ALK: variants seen among roughly 807,000 people sequenced by gnomAD.
ALK encodes ALK tyrosine kinase receptor.
A neutral mutation model predicts 163.1 loss-of-function variants in ALK; 74 were observed. The observed-to-expected ratio is 0.45, with a 90% CI of 0.38 to 0.55. The LOEUF (loss-of-function observed/expected upper bound fraction) is 0.55. Ranked by LOEUF, ALK falls within the 20% of genes least tolerant of loss-of-function variation. The probability of loss-of-function intolerance (pLI) is 0.00; values close to 1 mark genes in which losing one functional copy is unlikely to be tolerated. For synonymous variants in ALK, 960 were observed against 843.2 expected (o/e 1.14, Z -2.40); for missense variants, 2,063 against 2,105.3 (o/e 0.98, Z 0.39).
intron 11 of ALK, among the ~76,000 whole-genome samples, chr2:29,274,821 A>G (rs892252835): frequency 1.3e-5 from 2 of 152,204 alleles, no homozygotes; most frequent in African/African-American, 4.8e-5. Flanking sequence ...GGGGAAAAAA[A>G]TGCCAGCTTG....
chr2:29,736,123 A>G (rs1439250807), intron 1 of ALK, among the ~76,000 whole-genome samples: 1 of 152,088 alleles, frequency 6.6e-6, no homozygotes, highest in African/African-American at 2.4e-5. Context: ...TATGTAGTTC[A>G]TTTCCATGAT....
intron 1 of ALK, among the ~76,000 whole-genome samples, chr2:29,750,289 C>T (rs943432027): frequency 6.6e-6 from 1 of 152,134 alleles, no homozygotes; most frequent in African/African-American, 2.4e-5. Context: ...AACCAGGCCA[C>T]AGTACAGCAT....
Position 29,699,620 on chromosome 2 carries a change from G to C in ALK, c.788-4606C>G, listed in dbSNP as rs142617781. On this transcript the variant is annotated intron_variant, in intron 2 of 28. Transcript: ENST00000389048. ...CTGAAAAGCCTTCTTCATGATAGGG[G>C]ACAGATCTATATTTTCTAAATGTCA... Among the ~76,000 whole-genome samples the C allele has an allele frequency of 9.8e-5, 15 of 152,290 alleles. No homozygotes were observed. The East Asian group carries it at 2.9e-3, about 29-fold the overall frequency.
chr2:29,863,092 G>A (rs1241932061), intron 1 of ALK, among the ~76,000 whole-genome samples: 2 of 152,058 alleles, frequency 1.3e-5, no homozygotes, highest in African/African-American at 2.4e-5. Context: ...TCTTTATCTC[G>A]CCCCATATAC....
Position 29,316,532 on chromosome 2 carries a change from G to C in ALK, c.1647+1772C>G, listed in dbSNP as rs1470150411. On this transcript the variant is annotated intron_variant, in intron 8 of 28. Coordinates refer to ENST00000389048, the MANE Select transcript of ALK (RefSeq NM_004304.5). ...ATTAGAATAATATCATTTGTACCTT[G>C]ACATTTCTTTTTCTGAAATTTGGCT... 2.0e-5 allele frequency among the ~76,000 whole-genome samples: 3 copies of C among 152,254 alleles called. No individual in the cohort carries two copies. In the South Asian group the frequency reaches 6.2e-4, roughly 32 times the overall value.
chr2:29,448,635 C>G (rs1670746831), intron 4 of ALK, among the ~76,000 whole-genome samples: 1 of 152,186 alleles, frequency 6.6e-6, no homozygotes, highest in African/African-American at 2.4e-5. Flanking sequence ...AGTCAATCCA[C>G]CGTTCCCACC....
intron 3 of ALK, among the ~76,000 whole-genome samples, chr2:29,617,010 C>A (rs1322766760): frequency 6.6e-6 from 1 of 152,116 alleles, no homozygotes; most frequent in African/African-American, 2.4e-5. Flanking sequence ...CAGTGATATT[C>A]ACCTGGTGAA....
intron 4 of ALK, among the ~76,000 whole-genome samples, chr2:29,466,652 A>G (rs1671221461): frequency 6.6e-6 from 1 of 152,240 alleles, no homozygotes. Context: ...GTTTCTTGTA[A>G]GTAACAGGCA....
chr2:29,296,799 T>C (rs1320722543), intron 9 of ALK, 89 bp downstream of exon 9: 1 of 1,561,272 alleles, frequency 6.4e-7, no homozygotes, highest in Non-Finnish European at 8.8e-7. Context: ...GTGTCTTGGG[T>C]AAAAGGCACG....
intron 3 of ALK, among the ~76,000 whole-genome samples, chr2:29,534,239 T>C (rs1315810362): frequency 1.3e-5 from 2 of 152,242 alleles, no homozygotes; most frequent in Admixed American, 6.5e-5. Context: ...CAAGAGGGAA[T>C]TAATATTGAC....
At chr2:29,884,136 C>T (rs1254250462) in intron 1 of ALK, among the ~76,000 whole-genome samples, 1 of 147,886 alleles carries the variant, frequency 6.8e-6, no homozygotes, top group Non-Finnish European at 1.5e-5. Flanking sequence ...GTTACTATTG[C>T]AAGAGGTCAA....
At chr2:29,800,165 G>A (rs545540101) in intron 1 of ALK, among the ~76,000 whole-genome samples, 9 of 152,358 alleles carry the variant, frequency 5.9e-5, no homozygotes, top group Admixed American at 2.0e-4. Context: ...CCCCTCAGAG[G>A]AGGCAATGCC....
chr2:29,784,913 G>C (rs896858844), intron 1 of ALK, among the ~76,000 whole-genome samples: 1 of 152,002 alleles, frequency 6.6e-6, no homozygotes, highest in Admixed American at 6.6e-5. Flanking sequence ...GGCTCAACTA[G>C]AAGACCTACG....
intron 3 of ALK, among the ~76,000 whole-genome samples, chr2:29,648,505 C>A (rs1331664665): frequency 6.6e-6 from 1 of 152,092 alleles, no homozygotes; most frequent in Non-Finnish European, 1.5e-5. Context: ...CAATTCACTC[C>A]CCACTCCCTC....
chr2:29,223,937 C>T (rs551289515), intron 19 of ALK: 26 of 318,084 alleles, frequency 8.2e-5, no homozygotes, highest in African/African-American at 2.7e-4. Flanking sequence ...TATAACCCCA[C>T]GTGAACGAGG....
chr2:29,548,333 C>T (rs189227555), intron 3 of ALK, among the ~76,000 whole-genome samples: 1 of 152,198 alleles, frequency 6.6e-6, no homozygotes, highest in Non-Finnish European at 1.5e-5. Context: ...CTTAGCCGGG[C>T]GTGGTGGCGT....
intron 11 of ALK, among the ~76,000 whole-genome samples, chr2:29,274,269 T>C (rs1665470125): frequency 6.6e-6 from 1 of 152,284 alleles, no homozygotes. Context: ...CATTATAAGT[T>C]GAAATTAGAG....
chr2:29,889,407 T>C (rs998848117), intron 1 of ALK, among the ~76,000 whole-genome samples: 2 of 152,122 alleles, frequency 1.3e-5, no homozygotes, highest in South Asian at 2.1e-4. Context: ...TGTAAACCTC[T>C]TGATAAAATA....
rs1329282670 is a variant in ALK, at chr2:29,800,207, A to G, written c.668-82510T>C. On this transcript the variant is annotated intron_variant, in intron 1 of 28. Coordinates refer to ENST00000389048, the MANE Select transcript of ALK (RefSeq NM_004304.5). Reference sequence around the variant, plus strand: ...GAGGCTGAAGAGTGACAGGTGGGGCACAGCCCTCATGGCTGAGAGATAGCA... The same window carrying G: ...GAGGCTGAAGAGTGACAGGTGGGGCGCAGCCCTCATGGCTGAGAGATAGCA... Among the ~76,000 whole-genome samples, 3 of 152,356 alleles carry G rather than the reference A, an allele frequency of 2.0e-5. 1 individual carries two copies. Among genetic ancestry groups the G allele is most frequent in the South Asian group, 4.1e-4 (2 of 4,828 alleles).
Sources: gnomAD v4.1 joint callset for allele counts (sites outside exome capture counted in the v4.1 genomes callset) on GRCh38, gnomAD v4.1.1 for gene constraint, MANE v1.5 for transcripts, NCBI Gene and HGNC (gene_info 2026-07-23, HGNC 2026-07-21) for gene names.